SHISA9: variants seen among roughly 807,000 people sequenced by gnomAD.
SHISA9 encodes the protein protein shisa-9.
SHISA9 carries 13 observed loss-of-function variants against 38.0 expected under a neutral mutation model. The observed-to-expected ratio is 0.34, with a 90% CI of 0.22 to 0.54. The LOEUF is 0.54. Ranked by LOEUF, SHISA9 falls within the 20% of genes least tolerant of loss-of-function variation. SHISA9 has a pLI of 0.91. For missense variants in SHISA9, 538 were observed against 575.8 expected, an observed-to-expected ratio of 0.93 and a Z score of 0.67; for synonymous variants, 275 against 242.0, an observed-to-expected ratio of 1.14 and a Z score of -1.27.
chr16:13,546,695 C>T, the SHISA9 span, among the ~76,000 whole-genome samples: 390 of 152,262 alleles, frequency 2.6e-3, no homozygotes, highest in Non-Finnish European at 4.2e-3. Flanking sequence ...ACCTGTGGGC[C>T]AAATCCAGCC....
chr16:13,224,030 TATAAA>T (rs949082421), intron 4 of SHISA9, among the ~76,000 whole-genome samples: 2 of 152,204 alleles, frequency 1.3e-5, no homozygotes, highest in African/African-American at 4.8e-5. Flanking sequence ...TTTCCCTACT[TATAAA>T]ATAAAACCAA....
chr16:13,052,021 C>T (rs965715559), intron 2 of SHISA9, among the ~76,000 whole-genome samples: 2 of 152,078 alleles, frequency 1.3e-5, no homozygotes, highest in Non-Finnish European at 2.9e-5. Flanking sequence ...CCTCGGCCTC[C>T]CAAAGTACTG....
At chr16:13,069,505 TATGTGTATAC>T (rs2073484878) in intron 2 of SHISA9, among the ~76,000 whole-genome samples, 2 of 152,086 alleles carry the variant, frequency 1.3e-5, no homozygotes, top group African/African-American at 4.8e-5. Flanking sequence ...TGCATGTGTA[TATGTGTATAC>T]ATGTGTGTAC....
At chr16:13,518,050 C>G in the SHISA9 span, among the ~76,000 whole-genome samples, 1 of 152,178 alleles carries the variant, frequency 6.6e-6, no homozygotes, top group East Asian at 1.9e-4. Context: ...GAATTGCGCT[C>G]TGTGCTCTCC....
At chr16:13,093,357 C>A (rs1462381764) in intron 2 of SHISA9, among the ~76,000 whole-genome samples, 1 of 152,148 alleles carries the variant, frequency 6.6e-6, no homozygotes, top group East Asian at 1.9e-4. Flanking sequence ...CATCTTTGAG[C>A]CTCAGTTTGT....
the SHISA9 span, among the ~76,000 whole-genome samples, chr16:13,456,255 G>A: frequency 2.6e-5 from 4 of 152,152 alleles, no homozygotes; most frequent in African/African-American, 4.8e-5. Flanking sequence ...ACTGGAAGCC[G>A]TTAGACTGTG....
chr16:13,082,127 A>T (rs2073658058), intron 2 of SHISA9, among the ~76,000 whole-genome samples: 1 of 152,254 alleles, frequency 6.6e-6, no homozygotes, highest in African/African-American at 2.4e-5. Flanking sequence ...AGTGAAGCTT[A>T]CAGGGTGTGA....
At chr16:13,535,782 A>G in the SHISA9 span, among the ~76,000 whole-genome samples, 2 of 152,166 alleles carry the variant, frequency 1.3e-5, no homozygotes, top group Non-Finnish European at 2.9e-5. Context: ...CACAAATCAT[A>G]TCTTACAACT....
chr16:13,264,997 C>T, the SHISA9 span, among the ~76,000 whole-genome samples: 1 of 145,068 alleles, frequency 6.9e-6, no homozygotes, highest in Non-Finnish European at 1.5e-5. Context: ...CTCCTCTTCC[C>T]TTCCCTCCTC....
At chr16:12,999,061 T>A (rs758718637) in intron 2 of SHISA9, among the ~76,000 whole-genome samples, 1 of 152,176 alleles carries the variant, frequency 6.6e-6, no homozygotes, top group Non-Finnish European at 1.5e-5. Flanking sequence ...ATTTGGTATA[T>A]ATTATTGGTT....
At chr16:13,043,866 C>T (rs1350649736) in intron 2 of SHISA9, among the ~76,000 whole-genome samples, 1 of 152,246 alleles carries the variant, frequency 6.6e-6, no homozygotes, top group Admixed American at 6.5e-5. Flanking sequence ...ATTCGTTGTC[C>T]TTCTGGGGTC....
At chr16:13,404,777 C>A in the SHISA9 span, among the ~76,000 whole-genome samples, 1 of 152,182 alleles carries the variant, frequency 6.6e-6, no homozygotes, top group African/African-American at 2.4e-5. Flanking sequence ...GATGTTAAAG[C>A]CTTTTTCTGT....
At chr16:13,484,273 T>C in the SHISA9 span, among the ~76,000 whole-genome samples, 1 of 152,216 alleles carries the variant, frequency 6.6e-6, no homozygotes, top group Non-Finnish European at 1.5e-5. Context: ...GAAACAAGTG[T>C]GATAAAAGCT....
At chr16:13,310,872 C>A in the SHISA9 span, among the ~76,000 whole-genome samples, 4 of 151,814 alleles carry the variant, frequency 2.6e-5, no homozygotes, top group African/African-American at 9.7e-5. Context: ...TTAGTAGAGA[C>A]GGGGTTTCAT....
chr16:12,943,083 G>A (rs974789883), intron 2 of SHISA9, among the ~76,000 whole-genome samples: 1 of 152,018 alleles, frequency 6.6e-6, no homozygotes, highest in Non-Finnish European at 1.5e-5. Flanking sequence ...CCCTACAGCT[G>A]TTGAAAACCC....
At chr16:13,122,733 A>G (rs2050224311) in intron 2 of SHISA9, among the ~76,000 whole-genome samples, 1 of 152,188 alleles carries the variant, frequency 6.6e-6, no homozygotes, top group Non-Finnish European at 1.5e-5. Context: ...AAACCATATT[A>G]TTAGGTTTTA....
At chr16:13,115,422 G>T (rs934934517) in intron 2 of SHISA9, among the ~76,000 whole-genome samples, 3 of 152,198 alleles carry the variant, frequency 2.0e-5, no homozygotes, top group Non-Finnish European at 2.9e-5. Context: ...GAAACGAAGG[G>T]ATGGGCCGAA....
chr16:13,495,699 ATAT>A, the SHISA9 span, among the ~76,000 whole-genome samples: 14 of 152,080 alleles, frequency 9.2e-5, no homozygotes, highest in East Asian at 5.8e-4. Context: ...GTATATAATA[ATAT>A]TATAAAAGAG....
chr16:13,491,264 A>G, the SHISA9 span, among the ~76,000 whole-genome samples: 1 of 152,274 alleles, frequency 6.6e-6, no homozygotes, highest in South Asian at 2.1e-4. Flanking sequence ...GACGATGATG[A>G]TGATGGTAAC....
Sources: allele counts gnomAD v4.1 joint callset (sites outside exome capture counted in the v4.1 genomes callset), GRCh38; gene constraint gnomAD v4.1.1; transcripts MANE v1.5; gene names NCBI Gene and HGNC (gene_info 2026-07-23, HGNC 2026-07-21).